The following TRPV2 variants were observed in gnomAD, a reference collection of about 807,000 sequenced individuals.
The protein encoded by TRPV2 is transient receptor potential cation channel subfamily V member 2.
A neutral mutation model predicts 91.0 loss-of-function variants in TRPV2; 58 were observed. That is an observed-to-expected ratio of 0.64 (90% CI 0.52 to 0.79). The LOEUF is 0.79. TRPV2 is among the 30% of genes least tolerant of loss of function. The probability of loss-of-function intolerance (pLI) is 0.00; values close to 1 mark genes in which losing one functional copy is unlikely to be tolerated. For synonymous variants in TRPV2, 417 were observed against 414.8 expected (o/e 1.01, Z -0.06); for missense variants, 807 against 969.6 (o/e 0.83, Z 2.23).
Position 16,423,730 on chromosome 17 carries a change from C to T in TRPV2, c.887C>T (p.Thr296Met), listed in dbSNP as rs144641667. The change falls in exon 5 of 15, where the codon ACG becomes ATG. Residue 296 changes from threonine (T) to methionine (M), a missense_variant. Transcript: ENST00000338560. ...LEDIRNLQDLTPLKLAAKEGK... is the reference protein window; with the variant it reads ...LEDIRNLQDLMPLKLAAKEGK... ...GACATCCGCAACCTGCAGGATCTCACGCCTCTGAAGCTGGCCGCCAAGGAG... is the reference window on the plus strand; with the variant it reads ...GACATCCGCAACCTGCAGGATCTCATGCCTCTGAAGCTGGCCGCCAAGGAG... The T allele has an allele frequency of 1.4e-5, 23 of 1,600,774 alleles. No homozygotes were observed. The highest frequency in any genetic ancestry group is 4.0e-5 in the African/African-American group (3 of 74,768).
chr17:16,419,236 C>T (rs2142978026), intron 2 of TRPV2: 4 of 454,626 alleles, frequency 8.8e-6, no homozygotes, highest in Non-Finnish European at 1.8e-5. Context: ...GTAACACAGC[C>T]CAGGAGGGAA....
intron 5 of TRPV2, 49 bp downstream of exon 5, chr17:16,423,816 C>G (rs1320249222): frequency 1.9e-5 from 29 of 1,487,514 alleles, no homozygotes; most frequent in Non-Finnish European, 2.4e-5. Flanking sequence ...AGCAGTAGGT[C>G]TCATCCCAAA....
At chr17:16,417,251 C>T (rs987630571) in intron 1 of TRPV2, among the ~76,000 whole-genome samples, 8 of 147,364 alleles carry the variant, frequency 5.4e-5, no homozygotes, top group Admixed American at 2.0e-4. Flanking sequence ...TGGCAAAAAC[C>T]GCAATTTTTT....
Position 16,428,901 on chromosome 17 carries a change from G to A in TRPV2, c.1506G>A (p.Ala502=), listed in dbSNP as rs140127588. ...GGTACCTGCCCCTGCTTGTGTCTGC[G>A]CTGGTGCTGGGCTGGCTGAACCTGC... ...IEWYLPLLVS[A]LVLGWLNLLY... is the part of the protein sequence containing the mutation. The change falls in exon 10 of 15, where the codon GCG becomes GCA. Residue 502 remains alanine, a synonymous_variant. Transcript: ENST00000338560. The A allele has an allele frequency of 2.7e-5, 44 of 1,614,044 alleles. No individual in the cohort carries two copies. Among genetic ancestry groups the A allele is most frequent in the Admixed American group, 3.3e-5 (2 of 60,006 alleles).
chr17:16,422,279 C>T (rs1490138037), intron 3 of TRPV2, among the ~76,000 whole-genome samples: 1 of 145,464 alleles, frequency 6.9e-6, no homozygotes, highest in Non-Finnish European at 1.5e-5. Flanking sequence ...GCCAAGATTG[C>T]GCCACTGCAC....
In TRPV2 at chr17:16,426,944, A is replaced by G; in HGVS notation, c.1251+67A>G. The G allele has an allele frequency of 6.4e-7, 1 of 1,555,114 alleles. No homozygotes were observed. Among genetic ancestry groups the G allele is most frequent in the Non-Finnish European group, 8.7e-7 (1 of 1,149,916 alleles). ...CTGCTTGAAACAACCCTGGGGGAAG[A>G]TGGGGCAGTAATAGTGCTGAGGCAT... On this transcript the variant is annotated intron_variant, in intron 7 of 14. Coordinates refer to ENST00000338560, the MANE Select transcript of TRPV2 (RefSeq NM_016113.5). The surrounding 1 kb of genome is among the most constrained non-coding windows in gnomAD (Gnocchi z 6.0).
chr17:16,421,409 A>G (rs368119619), intron 3 of TRPV2, among the ~76,000 whole-genome samples: 123 of 151,570 alleles, frequency 8.1e-4, no homozygotes, highest in Middle Eastern at 6.8e-3. Flanking sequence ...TAGTAGAGAC[A>G]GGGTTTCACC....
At chr17:16,432,805 C>CT (rs549732624) in intron 12 of TRPV2, among the ~76,000 whole-genome samples, 2,790 of 135,406 alleles carry the variant, frequency 0.021, 66 homozygotes, top group African/African-American at 0.059. Flanking sequence ...TCCAGTGTTT[C>CT]TTTTTTTTTT....
chr17:16,428,667 T>G lies in TRPV2; in HGVS notation c.1422-150T>G, dbSNP rs1263234202. 3.6e-6 allele frequency: 3 copies of G among 826,446 alleles called. No individual in the cohort carries two copies. In the African/African-American group the frequency reaches 5.1e-5, roughly 14 times the overall value. 51.2% of individuals were successfully genotyped at this position (826,446 alleles called of 1,614,324 possible). A position where few individuals can be genotyped will look rare whatever the true frequency, so the allele number is the denominator to read the frequency against. On this transcript the variant is annotated intron_variant, in intron 9 of 14. Transcript: ENST00000338560. ...TCTATGAGTCAGGCATCATTATTATTATGCCCATTTTACAGTGGGAGGGAA... is the reference window on the plus strand; with the variant it reads ...TCTATGAGTCAGGCATCATTATTATGATGCCCATTTTACAGTGGGAGGGAA...
At position 16,426,835 on chromosome 17, in the gene TRPV2, C is replaced by T. The variant is rs748730669; in HGVS notation, c.1209C>T (p.Phe403=). The T allele has an allele frequency of 1.9e-6, 3 of 1,613,854 alleles. No individual in the cohort carries two copies. Among genetic ancestry groups the T allele is most frequent in the South Asian group, 2.2e-5 (2 of 91,078 alleles). Residue 403 remains phenylalanine, a synonymous_variant, in exon 7 of 15, where the codon TTC becomes TTT. Transcript: ENST00000338560. This position sits in a 1 kb window ranked among gnomAD's most constrained non-coding sequence, Gnocchi z 6.0. Reference sequence around the variant, plus strand: ...TCCTGTGTAATCTGATCTACATGTTCATCTTCACCGCTGTTGCCTACCATC... The same window carrying T: ...TCCTGTGTAATCTGATCTACATGTTTATCTTCACCGCTGTTGCCTACCATC... The part of the protein sequence containing the change: ...LNFLCNLIYM[F]IFTAVAYHQP...
intron 5 of TRPV2, among the ~76,000 whole-genome samples, chr17:16,425,234 G>C (rs1261437098): frequency 2.0e-5 from 3 of 152,014 alleles, no homozygotes; most frequent in Non-Finnish European, 2.9e-5. Flanking sequence ...ATGTTGGTCA[G>C]GCTGGTCTCA....
intron 5 of TRPV2, 56 bp downstream of exon 5, chr17:16,423,823 C>A (rs2142992440): frequency 6.8e-7 from 1 of 1,479,282 alleles, no homozygotes; most frequent in East Asian, 2.3e-5. Flanking sequence ...GGTCTCATCC[C>A]AAAATTTCTG....
At chr17:16,432,848 C>G (rs1411034181) in intron 12 of TRPV2, among the ~76,000 whole-genome samples, 1 of 151,186 alleles carries the variant, frequency 6.6e-6, no homozygotes, top group South Asian at 2.1e-4. Context: ...TCTTGTTGCC[C>G]GGGCTGGAGT....
In TRPV2 at chr17:16,422,847, G is replaced by A. The variant is rs774496467; in HGVS notation, c.583G>A (p.Gly195Ser). Reference protein sequence around the residue: ...NGANVHARACGRFFQKGQGTC... With the variant: ...NGANVHARACSRFFQKGQGTC... ...GGCCAATGTGCATGCCCGGGCCTGCGGCCGCTTCTTCCAGAAGGGCCAAGG... is the reference window on the plus strand; with the variant it reads ...GGCCAATGTGCATGCCCGGGCCTGCAGCCGCTTCTTCCAGAAGGGCCAAGG... Residue 195 changes from glycine (G) to serine (S), a missense_variant, in exon 4 of 15, where the codon GGC (glycine) becomes AGC (serine). Coordinates refer to ENST00000338560, the MANE Select transcript of TRPV2 (RefSeq NM_016113.5). 6 of 1,571,606 alleles carry A rather than the reference G, an allele frequency of 3.8e-6. No individual in the cohort carries two copies. Among genetic ancestry groups the A allele is most frequent in the South Asian group, 3.5e-5 (3 of 86,042 alleles).
chr17:16,425,022 AT>A (rs11329557), intron 5 of TRPV2, among the ~76,000 whole-genome samples: 6,662 of 115,794 alleles, frequency 0.058, 328 homozygotes, highest in African/African-American at 0.21. Flanking sequence ...TTGCAGCTGC[AT>A]TTTTTTTTTT....
chr17:16,417,993 T>C (rs2093339657), intron 2 of TRPV2, 125 bp downstream of exon 2: 1 of 986,592 alleles, frequency 1.0e-6, no homozygotes, highest in East Asian at 2.6e-5. Flanking sequence ...GAGTCCTCAG[T>C]CTGGCCCTGG....
intron 10 of TRPV2, among the ~76,000 whole-genome samples, chr17:16,430,510 G>A (rs970703617): frequency 6.8e-6 from 1 of 147,818 alleles, no homozygotes; most frequent in African/African-American, 2.5e-5. Context: ...TTTTGAGATG[G>A]AGTCTTGCTC....
chr17:16,428,985 G>A lies in TRPV2; in HGVS notation c.1587+3G>A. ...TCTACAGTGTCATGATCCAGAAGGT[G>A]AGAGAAGGGGGTGGCCCACCGGGAC... is the stretch of plus-strand genomic sequence containing the variant. On this transcript the variant is annotated splice_donor_region_variant and intron_variant, in intron 10 of 14. Transcript: ENST00000338560. 6.2e-7 allele frequency: 1 copy of A among 1,614,028 alleles called. No homozygotes were observed. The highest frequency in any genetic ancestry group is 8.5e-7 in the Non-Finnish European group (1 of 1,179,992).
chr17:16,428,175 T>C (rs2093392990), intron 8 of TRPV2, 142 bp from the exon 9 acceptor site: 1 of 730,140 alleles, frequency 1.4e-6, no homozygotes, highest in Non-Finnish European at 2.4e-6. Flanking sequence ...CTATCTCAGC[T>C]ATCAGAAGTA....
Sources: allele counts gnomAD v4.1 joint callset (sites outside exome capture counted in the v4.1 genomes callset), GRCh38; gene constraint gnomAD v4.1.1; non-coding constraint Gnocchi (gnomAD v3.1); transcripts MANE v1.5; gene names NCBI Gene and HGNC (gene_info 2026-07-23, HGNC 2026-07-21).